NELL1: variants seen among roughly 807,000 people sequenced by gnomAD.
NELL1 encodes the protein neural EGFL like 1, also known as protein kinase C-binding protein NELL1.
Under a neutral mutation model 107.4 loss-of-function variants are expected in NELL1, and 76 were observed. That is an observed-to-expected ratio of 0.71 (90% CI 0.59 to 0.86). The LOEUF (loss-of-function observed/expected upper bound fraction) is 0.86, where lower values mean the gene tolerates loss of function less well. Among genes scored for constraint, NELL1 ranks in the 40% least tolerant of loss-of-function variants. The pLI is 0.00. For missense variants in NELL1, 1,024 were observed against 1,005.5 expected, an observed-to-expected ratio of 1.02 and a Z score of -0.25; for synonymous variants, 353 against 341.2, an observed-to-expected ratio of 1.03 and a Z score of -0.38.
chr11:20,795,111 G>A (rs1319581353), intron 3 of NELL1, among the ~76,000 whole-genome samples: 1 of 152,218 alleles, frequency 6.6e-6, no homozygotes, highest in Non-Finnish European at 1.5e-5. Flanking sequence ...GCCAAAGGCA[G>A]ACATCTCTCT....
chr11:21,454,867 C>G (rs1248237800), intron 15 of NELL1, among the ~76,000 whole-genome samples: 1 of 152,210 alleles, frequency 6.6e-6, no homozygotes, highest in Non-Finnish European at 1.5e-5. Flanking sequence ...TAGTTACTTC[C>G]CAACAACCCC....
At chr11:21,107,479 C>T (rs1402503717) in intron 12 of NELL1, among the ~76,000 whole-genome samples, 1 of 152,180 alleles carries the variant, frequency 6.6e-6, no homozygotes, top group African/African-American at 2.4e-5. Flanking sequence ...TCTTACCAGT[C>T]CATGAAGAAC....
chr11:20,920,035 A>G (rs993826720), intron 7 of NELL1, among the ~76,000 whole-genome samples: 1 of 152,136 alleles, frequency 6.6e-6, no homozygotes, highest in African/African-American at 2.4e-5. Flanking sequence ...TGTGTAAACA[A>G]CTAAGGGCTT....
At chr11:21,055,694 A>T (rs1853598042) in intron 12 of NELL1, among the ~76,000 whole-genome samples, 1 of 152,044 alleles carries the variant, frequency 6.6e-6, no homozygotes, top group Non-Finnish European at 1.5e-5. Flanking sequence ...CCCAGGAGGG[A>T]TTGGTTAAAC....
chr11:21,129,602 G>A (rs1158785580), intron 13 of NELL1, among the ~76,000 whole-genome samples: 1 of 152,144 alleles, frequency 6.6e-6, no homozygotes, highest in African/African-American at 2.4e-5. Context: ...TCTGATACAT[G>A]CTATAATGTG....
chr11:21,522,834 C>CTTT (rs66707466), intron 15 of NELL1, among the ~76,000 whole-genome samples: 753 of 68,472 alleles, frequency 0.011, 35 homozygotes, highest in Non-Finnish European at 0.013. Context: ...TTTTTCTTTT[C>CTTT]TTTTTTTTTT....
At chr11:20,866,769 A>G (rs966771941) in intron 4 of NELL1, among the ~76,000 whole-genome samples, 1 of 152,148 alleles carries the variant, frequency 6.6e-6, no homozygotes, top group African/African-American at 2.4e-5. Context: ...AGGACTATTC[A>G]TTGTGTAAAA....
intron 13 of NELL1, among the ~76,000 whole-genome samples, chr11:21,138,454 A>G (rs550069511): frequency 1.3e-5 from 2 of 152,336 alleles, no homozygotes; most frequent in Admixed American, 6.5e-5. Context: ...ACACGTCAAC[A>G]AGAAAATAAA....
chr11:20,779,502 C>T (rs893243980), intron 2 of NELL1, among the ~76,000 whole-genome samples: 1 of 152,134 alleles, frequency 6.6e-6, no homozygotes, highest in East Asian at 1.9e-4. Context: ...TTAAGTAATA[C>T]AGCAAATACA....
At chr11:21,362,373 C>A (rs868016675) in intron 14 of NELL1, among the ~76,000 whole-genome samples, 3 of 152,172 alleles carry the variant, frequency 2.0e-5, no homozygotes, top group Admixed American at 1.3e-4. Flanking sequence ...CCATGGATAC[C>A]AGCACCTACT....
intron 12 of NELL1, among the ~76,000 whole-genome samples, chr11:21,009,470 C>T (rs1381610198): frequency 3.3e-5 from 5 of 152,050 alleles, no homozygotes; most frequent in Admixed American, 3.3e-4. Flanking sequence ...TCTCATAGGA[C>T]ACATCTGTGG....
At chr11:21,332,815 C>T (rs1431583004) in intron 14 of NELL1, among the ~76,000 whole-genome samples, 1 of 151,690 alleles carries the variant, frequency 6.6e-6, no homozygotes, top group Non-Finnish European at 1.5e-5. Flanking sequence ...ATAATTTCTT[C>T]CAACTAGAGA....
In NELL1 at chr11:21,360,877, A is replaced by G. The variant is rs190934713; in HGVS notation, c.1550-9976A>G. Among the ~76,000 whole-genome samples, 359 of 152,304 alleles carry G rather than the reference A, an allele frequency of 2.4e-3. 2 individuals are homozygous for G. Among genetic ancestry groups the G allele is most frequent in the Admixed American group, 4.4e-3 (68 of 15,296 alleles). ...TGTGTTAGGTGAGTCTCTTGAAGAC[A>G]GCAGATACTTGTTTGGTGGACTTCT... is the stretch of plus-strand genomic sequence containing the variant. On this transcript the variant is annotated intron_variant, in intron 14 of 19. Coordinates refer to ENST00000357134, the MANE Select transcript of NELL1 (RefSeq NM_006157.5).
chr11:20,754,352 C>T (rs1856211448), intron 2 of NELL1, among the ~76,000 whole-genome samples: 1 of 152,114 alleles, frequency 6.6e-6, no homozygotes, highest in Non-Finnish European at 1.5e-5. Flanking sequence ...CAAACATATC[C>T]TAAGAATGTT....
intron 14 of NELL1, among the ~76,000 whole-genome samples, chr11:21,356,197 C>T (rs1271331737): frequency 6.6e-6 from 1 of 152,138 alleles, no homozygotes; most frequent in Non-Finnish European, 1.5e-5. Context: ...TATTCTGTCT[C>T]TTCTCTATGA....
chr11:21,256,741 A>G (rs1373112162), intron 14 of NELL1, among the ~76,000 whole-genome samples: 1 of 152,052 alleles, frequency 6.6e-6, no homozygotes, highest in Non-Finnish European at 1.5e-5. Context: ...ATGACAATGC[A>G]GAAGAATGAT....
At position 20,832,233 on chromosome 11, in the gene NELL1, C is replaced by T. The variant is rs541273877; in HGVS notation, c.336-15350C>T. On this transcript the variant is annotated intron_variant, in intron 3 of 19. Transcript: ENST00000357134. ...CCTAAGCACTGTTCTTCTTAGTGACCGTACACTTTTATGAGACTCTTCACA... is the reference window on the plus strand; with the variant it reads ...CCTAAGCACTGTTCTTCTTAGTGACTGTACACTTTTATGAGACTCTTCACA... 3.5e-4 allele frequency among the ~76,000 whole-genome samples: 53 copies of T among 152,282 alleles called. No homozygotes were observed. In the East Asian group the frequency reaches 7.1e-3, roughly 21 times the overall value.
chr11:21,281,353 G>A (rs1848989186), intron 14 of NELL1, among the ~76,000 whole-genome samples: 1 of 152,076 alleles, frequency 6.6e-6, no homozygotes, highest in African/African-American at 2.4e-5. Context: ...TGGAGGGACT[G>A]TGTCTTATGA....
intron 2 of NELL1, among the ~76,000 whole-genome samples, chr11:20,759,529 T>C (rs548090480): frequency 1.3e-5 from 2 of 152,300 alleles, no homozygotes; most frequent in Admixed American, 1.3e-4. Flanking sequence ...ACCTCTCGTG[T>C]TTTGTGCGTC....
Sources: allele counts gnomAD v4.1 joint callset (sites outside exome capture counted in the v4.1 genomes callset), GRCh38; gene constraint gnomAD v4.1.1; transcripts MANE v1.5; gene names NCBI Gene and HGNC (gene_info 2026-07-23, HGNC 2026-07-21).